TMEM50A: variants seen among roughly 807,000 people sequenced by gnomAD.
TMEM50A encodes the protein cervical cancer oncogene 9.
Under a neutral mutation model 23.9 loss-of-function variants are expected in TMEM50A, and 8 were observed. That is an observed-to-expected ratio of 0.33 (90% CI 0.20 to 0.60). The LOEUF (loss-of-function observed/expected upper bound fraction) is 0.60. Among genes scored for constraint, TMEM50A ranks in the 20% least tolerant of loss-of-function variants. The pLI is 0.81. For synonymous variants in TMEM50A, 55 were observed against 60.4 expected, an observed-to-expected ratio of 0.91 and a Z score of 0.41; for missense variants, 178 against 192.7, an observed-to-expected ratio of 0.92 and a Z score of 0.45.
Position 25,360,792 on chromosome 1 carries a change from T to A in TMEM50A, c.*87T>A. 7.0e-7 allele frequency: 1 copy of A among 1,418,760 alleles called. No individual in the cohort carries two copies. Among genetic ancestry groups the A allele is most frequent in the Non-Finnish European group, 9.9e-7 (1 of 1,014,432 alleles). 87.9% of individuals were successfully genotyped at this position (1,418,760 alleles called of 1,614,324 possible). ...ACTCCCAACCTTTTGTAATGCCATT[T>A]TCTAAACTTATTTCTGAGTGTAGTC... On this transcript the variant is annotated 3_prime_UTR_variant, in exon 7 of 7. Coordinates refer to ENST00000374358, the MANE Select transcript of TMEM50A (RefSeq NM_014313.4).
At position 25,361,802 on chromosome 1, in the gene TMEM50A, G is replaced by C. The variant is rs555233925; in HGVS notation, c.*1097G>C. On this transcript the variant is annotated 3_prime_UTR_variant, in exon 7 of 7. Coordinates refer to ENST00000374358, the MANE Select transcript of TMEM50A (RefSeq NM_014313.4). ...GTCTCTACACTGTGAATATTGCCTG[G>C]TGATCAAGACTCTCCTCAAAGAAAT... is the stretch of plus-strand genomic sequence containing the variant. 6.5e-6 allele frequency: 1 copy of C among 154,312 alleles called. No homozygotes were observed. Among genetic ancestry groups the C allele is most frequent in the South Asian group, 2.0e-4 (1 of 5,018 alleles). The allele number at this position is 154,312 out of a possible 1,614,324, so 9.6% of individuals were successfully genotyped here. A position where few individuals can be genotyped will look rare whatever the true frequency, so the allele number is the denominator to read the frequency against.
chr1:25,358,466 A>G (rs963119471), intron 6 of TMEM50A, among the ~76,000 whole-genome samples: 3 of 152,354 alleles, frequency 2.0e-5, no homozygotes, highest in Non-Finnish European at 4.4e-5. Flanking sequence ...CCTCCAAAAA[A>G]GAAACAAAAA....
chr1:25,351,721 A>T (rs1405277984), intron 4 of TMEM50A, 28 bp downstream of exon 4: 5 of 1,585,882 alleles, frequency 3.2e-6, no homozygotes, highest in Non-Finnish European at 8.6e-7. Flanking sequence ...GCATCTTATT[A>T]TACATGCTTA....
chr1:25,357,085 ATGAG>A (rs1645341095), intron 6 of TMEM50A, among the ~76,000 whole-genome samples: 1 of 152,122 alleles, frequency 6.6e-6, no homozygotes, highest in Admixed American at 6.6e-5. Flanking sequence ...CCCCCTTTTA[ATGAG>A]TGAGTAACTA....
At chr1:25,340,228 G>T (rs1363651422) in intron 1 of TMEM50A, among the ~76,000 whole-genome samples, 1 of 151,988 alleles carries the variant, frequency 6.6e-6, no homozygotes, top group Non-Finnish European at 1.5e-5. Flanking sequence ...GAACCACCAC[G>T]CCCGGCCCCC....
intron 6 of TMEM50A, among the ~76,000 whole-genome samples, chr1:25,359,096 C>T (rs930799157): frequency 5.3e-5 from 8 of 152,222 alleles, no homozygotes; most frequent in African/African-American, 1.9e-4. Context: ...TGCGCACCAG[C>T]TGCCCCATAG....
chr1:25,356,746 A>G, intron 5 of TMEM50A, 47 bp from the exon 6 acceptor site: 1 of 1,377,622 alleles, frequency 7.3e-7, no homozygotes, highest in South Asian at 1.3e-5. Context: ...TCTGAAACTA[A>G]ATGTTTTGAG....
chr1:25,338,618 C>G (rs1000392276), intron 1 of TMEM50A, 162 bp downstream of exon 1: 1 of 152,404 alleles, frequency 6.6e-6, no homozygotes, highest in African/African-American at 2.4e-5. Flanking sequence ...GACCTCTCCT[C>G]TCCTGGGTCC....
chr1:25,359,453 G>C (rs1050522188), intron 6 of TMEM50A, among the ~76,000 whole-genome samples: 1 of 151,712 alleles, frequency 6.6e-6, no homozygotes, highest in Admixed American at 6.6e-5. Flanking sequence ...GGGCCATATT[G>C]GAAGAATTGT....
chr1:25,356,454 C>T (rs1645334620), intron 5 of TMEM50A, among the ~76,000 whole-genome samples: 1 of 152,178 alleles, frequency 6.6e-6, no homozygotes, highest in African/African-American at 2.4e-5. Flanking sequence ...ACTTCTCCAC[C>T]TTTCCTGCAT....
Position 25,355,063 on chromosome 1 carries a change from C to T in TMEM50A, c.368-1730C>T, listed in dbSNP as rs142346644. On this transcript the variant is annotated intron_variant, in intron 5 of 6. Transcript: ENST00000374358. ...CTGGGATTACAGGAGTGAGCCACCA[C>T]GCCCAGCCATCTATATATTTTAAAA... Among the ~76,000 whole-genome samples, 30 of 152,304 alleles carry T rather than the reference C, an allele frequency of 2.0e-4. 1 individual carries two copies. In the East Asian group the frequency reaches 5.6e-3, roughly 28 times the overall value.
At chr1:25,345,990 G>A (rs1645211622) in intron 3 of TMEM50A, among the ~76,000 whole-genome samples, 1 of 151,798 alleles carries the variant, frequency 6.6e-6, no homozygotes, top group South Asian at 2.1e-4. Flanking sequence ...GTTTCACCAT[G>A]TTGGCCAGGC....
intron 1 of TMEM50A, 27 bp downstream of exon 1, chr1:25,338,483 A>T (rs1645125190): frequency 6.6e-6 from 1 of 152,406 alleles, no homozygotes; most frequent in African/African-American, 2.4e-5. Flanking sequence ...GAGTGGGGGT[A>T]AGAGAGTAGC....
At chr1:25,349,793 C>G (rs1021441926) in intron 3 of TMEM50A, among the ~76,000 whole-genome samples, 2 of 152,234 alleles carry the variant, frequency 1.3e-5, no homozygotes, top group African/African-American at 2.4e-5. Flanking sequence ...TGCGAAGCCC[C>G]TAGCCTTGTG....
chr1:25,349,479 G>A (rs774850222), intron 3 of TMEM50A, among the ~76,000 whole-genome samples: 1 of 152,038 alleles, frequency 6.6e-6, no homozygotes, highest in Non-Finnish European at 1.5e-5. Context: ...TGTTTTTAAT[G>A]TATCTATTTT....
chr1:25,345,843 A>G (rs990235799), intron 3 of TMEM50A, among the ~76,000 whole-genome samples: 1 of 151,120 alleles, frequency 6.6e-6, no homozygotes, highest in Non-Finnish European at 1.5e-5. Context: ...GCTGGAGTGC[A>G]ATGGCATGAT....
At chr1:25,340,683 T>C in intron 2 of TMEM50A, 104 bp downstream of exon 2, 1 of 717,184 alleles carries the variant, frequency 1.4e-6, no homozygotes, top group Non-Finnish European at 2.2e-6. Context: ...ATTTTATCTT[T>C]GACCACTTTG....
chr1:25,350,894 G>T (rs189265449), intron 3 of TMEM50A, among the ~76,000 whole-genome samples: 3 of 151,924 alleles, frequency 2.0e-5, no homozygotes, highest in Non-Finnish European at 4.4e-5. Context: ...GGGCGCAGTG[G>T]CTCACACCTG....
At chr1:25,352,312 A>T (rs1645282403) in intron 4 of TMEM50A, among the ~76,000 whole-genome samples, 1 of 151,940 alleles carries the variant, frequency 6.6e-6, no homozygotes, top group Non-Finnish European at 1.5e-5. Flanking sequence ...TGGCTAACAC[A>T]GTGAAACCCC....
Sources: gnomAD v4.1 joint callset for allele counts (sites outside exome capture counted in the v4.1 genomes callset) on GRCh38, gnomAD v4.1.1 for gene constraint, MANE v1.5 for transcripts, NCBI Gene and HGNC (gene_info 2026-07-23, HGNC 2026-07-21) for gene names.